Variants in SLC35F1 observed in about 807,000 individuals in gnomAD.
SLC35F1 encodes solute carrier family 35 member F1, also known as chromosome 6 open reading frame 169.
Under a neutral mutation model 48.7 loss-of-function variants are expected in SLC35F1, and 14 were observed. The ratio of observed to expected loss-of-function variants is 0.29; its 90% CI spans 0.19 to 0.45. The LOEUF (loss-of-function observed/expected upper bound fraction) is 0.45, where lower values mean the gene tolerates loss of function less well. Ranked by LOEUF, SLC35F1 falls within the 20% of genes least tolerant of loss-of-function variation. The pLI is 1.00. For missense variants in SLC35F1, 404 were observed against 500.0 expected, an observed-to-expected ratio of 0.81 and a Z score of 1.83; for synonymous variants, 190 against 202.2, an observed-to-expected ratio of 0.94 and a Z score of 0.51.
chr6:117,952,111 A>G (rs1373290585), intron 1 of SLC35F1, among the ~76,000 whole-genome samples: 1 of 152,154 alleles, frequency 6.6e-6, no homozygotes, highest in Non-Finnish European at 1.5e-5. Flanking sequence ...TGACAGAACA[A>G]TAGCTTCCAT....
At chr6:117,990,497 G>A (rs972200854) in intron 1 of SLC35F1, among the ~76,000 whole-genome samples, 1 of 152,160 alleles carries the variant, frequency 6.6e-6, no homozygotes, top group Non-Finnish European at 1.5e-5. Context: ...AAAATTCAAA[G>A]AAGAAATAGG....
rs1001793694 is a variant in SLC35F1, at chr6:118,004,803, C to T, written c.173+96904C>T. Among the ~76,000 whole-genome samples the T allele has an allele frequency of 3.3e-5, 5 of 151,832 alleles. No individual in the cohort carries two copies. The Admixed American group carries it at 3.3e-4, about 10-fold the overall frequency. ...GCCTCAAGTGATCCTCCCGCCTTGG[C>T]CTCTCAAAGTGCTGAGGAATACAGG... is the stretch of plus-strand genomic sequence containing the variant. On this transcript the variant is annotated intron_variant, in intron 1 of 7. Transcript: ENST00000360388.
chr6:118,126,163 T>A (rs4512262), intron 1 of SLC35F1, among the ~76,000 whole-genome samples: 6 of 152,032 alleles, frequency 3.9e-5, no homozygotes, highest in Non-Finnish European at 7.4e-5. Context: ...CTGACTTTCC[T>A]GGACCTAGTG....
chr6:117,996,112 T>A (rs1327400793), intron 1 of SLC35F1, among the ~76,000 whole-genome samples: 2 of 152,206 alleles, frequency 1.3e-5, no homozygotes, highest in Admixed American at 1.3e-4. Flanking sequence ...ATTGTCTATT[T>A]AATATGATTA....
chr6:118,162,695 C>G (rs1227244459), intron 2 of SLC35F1, among the ~76,000 whole-genome samples: 1 of 152,216 alleles, frequency 6.6e-6, no homozygotes, highest in Non-Finnish European at 1.5e-5. Flanking sequence ...AAACTTCCCA[C>G]TTCCTTGTGG....
At chr6:118,012,740 A>G (rs971654573) in intron 1 of SLC35F1, among the ~76,000 whole-genome samples, 7 of 152,218 alleles carry the variant, frequency 4.6e-5, no homozygotes, top group Non-Finnish European at 1.0e-4. Flanking sequence ...TTCATTAATA[A>G]CATGTTCAAG....
At chr6:118,019,579 G>A (rs777892470) in intron 1 of SLC35F1, among the ~76,000 whole-genome samples, 22 of 152,066 alleles carry the variant, frequency 1.4e-4, no homozygotes, top group South Asian at 4.2e-4. Context: ...CCAAGATCAC[G>A]CTACTGCACT....
intron 6 of SLC35F1, among the ~76,000 whole-genome samples, chr6:118,282,164 T>A (rs1389224926): frequency 4.6e-5 from 7 of 152,224 alleles, no homozygotes; most frequent in Non-Finnish European, 1.0e-4. Flanking sequence ...TGCTGATCAA[T>A]TGAAAACCCT....
chr6:118,135,596 T>C (rs1773782539), intron 1 of SLC35F1, among the ~76,000 whole-genome samples: 1 of 152,144 alleles, frequency 6.6e-6, no homozygotes, highest in Non-Finnish European at 1.5e-5. Flanking sequence ...TCCTACTCAC[T>C]CCACAGTCCA....
rs563070552 is a variant in SLC35F1, at chr6:117,973,265, C to T, written c.173+65366C>T. 1.4e-4 allele frequency among the ~76,000 whole-genome samples: 22 copies of T among 152,260 alleles called. No homozygotes were observed. In the South Asian group the frequency reaches 4.6e-3, roughly 32 times the overall value. ...ACAGCAGTCCTGTTGGATGACGGTC[C>T]ACCCACATGACCTCATTTTACCTTC... On this transcript the variant is annotated intron_variant, in intron 1 of 7. Coordinates refer to ENST00000360388, the MANE Select transcript of SLC35F1 (RefSeq NM_001029858.4).
intron 1 of SLC35F1, among the ~76,000 whole-genome samples, chr6:117,971,158 G>A (rs1582592907): frequency 2.6e-5 from 4 of 152,306 alleles, no homozygotes. Context: ...CATTCCAAGT[G>A]GGAGAAATTG....
At chr6:118,159,021 T>C (rs374452669) in intron 2 of SLC35F1, among the ~76,000 whole-genome samples, 72 of 151,214 alleles carry the variant, frequency 4.8e-4, no homozygotes, top group Non-Finnish European at 8.1e-4. Flanking sequence ...AAGATCGAGA[T>C]CATCCTGGCT....
chr6:118,021,186 A>G (rs1777388912), intron 1 of SLC35F1, among the ~76,000 whole-genome samples: 1 of 152,126 alleles, frequency 6.6e-6, no homozygotes, highest in Non-Finnish European at 1.5e-5. Context: ...TTGAGATAAA[A>G]GGGCAGATCA....
At chr6:118,035,655 A>C (rs1039628419) in intron 1 of SLC35F1, among the ~76,000 whole-genome samples, 8 of 151,044 alleles carry the variant, frequency 5.3e-5, no homozygotes, top group Non-Finnish European at 1.0e-4. Flanking sequence ...ACAAAACCAA[A>C]AAAACCCCCA....
At chr6:118,173,664 G>T (rs899285094) in intron 2 of SLC35F1, among the ~76,000 whole-genome samples, 8 of 152,148 alleles carry the variant, frequency 5.3e-5, no homozygotes, top group Admixed American at 5.2e-4. Context: ...TAGTACAGAA[G>T]ATCTGAGAGA....
chr6:117,968,955 C>T (rs1582591626), intron 1 of SLC35F1, among the ~76,000 whole-genome samples: 1 of 152,312 alleles, frequency 6.6e-6, no homozygotes, highest in East Asian at 1.9e-4. Context: ...AGTTCTCCAA[C>T]TCCTAGTTTT....
At chr6:117,955,798 T>C (rs982682187) in intron 1 of SLC35F1, among the ~76,000 whole-genome samples, 1 of 152,232 alleles carries the variant, frequency 6.6e-6, no homozygotes, top group African/African-American at 2.4e-5. Flanking sequence ...CTACCCTTGT[T>C]ACCTTGCTCA....
rs141265575 is a variant in SLC35F1 at position 118,021,716 on chromosome 6, C to T, written c.173+113817C>T. Among the ~76,000 whole-genome samples, 1,104 of 152,270 alleles carry T rather than the reference C, an allele frequency of 7.3e-3. 12 individuals carry two copies. Among genetic ancestry groups the T allele is most frequent in the Middle Eastern group, 0.024 (7 of 294 alleles). ...CCCAAGACATAATGGCTTAAGACAA[C>T]AACAATTTTATTGGCGCATGATTTT... On this transcript the variant is annotated intron_variant, in intron 1 of 7. Coordinates refer to ENST00000360388, the MANE Select transcript of SLC35F1 (RefSeq NM_001029858.4).
chr6:118,002,368 G>A (rs148546625), intron 1 of SLC35F1, among the ~76,000 whole-genome samples: 3,008 of 151,752 alleles, frequency 0.02, 100 homozygotes, highest in African/African-American at 0.068. Context: ...ACCAAACACC[G>A]CATGTTCTCA....
Sources: allele counts gnomAD v4.1 joint callset (sites outside exome capture counted in the v4.1 genomes callset), GRCh38; gene constraint gnomAD v4.1.1; transcripts MANE v1.5; gene names NCBI Gene and HGNC (gene_info 2026-07-23, HGNC 2026-07-21).